Variants in COL21A1 observed in about 807,000 individuals in gnomAD.
The protein encoded by COL21A1 is collagen alpha-1(XXI) chain.
Under a neutral mutation model 137.9 loss-of-function variants are expected in COL21A1, and 149 were observed. The observed-to-expected ratio is 1.08, with a 90% CI of 0.95 to 1.24. The LOEUF is 1.24. Ranked by LOEUF, COL21A1 falls within the 50% of genes most tolerant of loss-of-function variation. COL21A1 has a pLI of 0.00. For missense variants in COL21A1, 1,167 were observed against 1,158.4 expected (o/e 1.01, Z -0.11); for synonymous variants, 456 against 391.5 (o/e 1.16, Z -1.95).
At chr6:56,335,182 T>G (rs1450743300) in intron 1 of COL21A1, among the ~76,000 whole-genome samples, 1 of 152,150 alleles carries the variant, frequency 6.6e-6, no homozygotes, top group Non-Finnish European at 1.5e-5. Flanking sequence ...GTTGGACCAC[T>G]GGTTGGTGCA....
chr6:56,185,636 C>T (rs1431921719), intron 1 of COL21A1, among the ~76,000 whole-genome samples: 1 of 151,218 alleles, frequency 6.6e-6, no homozygotes, highest in African/African-American at 2.4e-5. Flanking sequence ...GGGGTTTCAC[C>T]TTGTTAGCCA....
intron 1 of COL21A1, among the ~76,000 whole-genome samples, chr6:56,286,636 T>G (rs1033626434): frequency 2.6e-5 from 4 of 152,248 alleles, no homozygotes; most frequent in Non-Finnish European, 4.4e-5. Flanking sequence ...TACACGGTTT[T>G]GTGAATTGGT....
chr6:56,136,590 G>T (rs1313771919), intron 12 of COL21A1, among the ~76,000 whole-genome samples: 1 of 152,098 alleles, frequency 6.6e-6, no homozygotes, highest in Non-Finnish European at 1.5e-5. Flanking sequence ...CATCTTTTAA[G>T]CCGATCTAGA....
chr6:56,277,545 A>G (rs1479894361), intron 1 of COL21A1, among the ~76,000 whole-genome samples: 1 of 152,264 alleles, frequency 6.6e-6, no homozygotes, highest in African/African-American at 2.4e-5. Context: ...ATGTATGCAT[A>G]ATAACTACCA....
chr6:56,202,718 T>C (rs1779492851), intron 1 of COL21A1, among the ~76,000 whole-genome samples: 2 of 152,196 alleles, frequency 1.3e-5, no homozygotes, highest in Admixed American at 1.3e-4. Context: ...TTGTACACTA[T>C]ATTACATAAT....
chr6:56,207,804 A>T (rs1779890028), intron 1 of COL21A1, among the ~76,000 whole-genome samples: 1 of 152,204 alleles, frequency 6.6e-6, no homozygotes, highest in Non-Finnish European at 1.5e-5. Context: ...TGGCAAACTG[A>T]ATCCAGCAGC....
rs549137828 is a variant in COL21A1, at chr6:56,371,103, C to T, written c.-39+22868G>A. Among the ~76,000 whole-genome samples, 14 of 152,328 alleles carry T rather than the reference C, an allele frequency of 9.2e-5. No individual in the cohort carries two copies. In the South Asian group the frequency reaches 2.9e-3, roughly 32 times the overall value. ...TTACTCATGTCTGCTGAAAACCCTC[C>T]AGGTTCAAAGGGAAATTCAGCCAAT... On this transcript the variant is annotated intron_variant, in intron 1 of 28. Transcript: ENST00000370819.
At chr6:56,247,832 G>C (rs1397592290), upstream of COL21A1, 1 of 152,936 alleles carries the variant, frequency 6.5e-6, no homozygotes, top group Non-Finnish European at 1.5e-5. Context: ...CAGGAAAGCA[G>C]GAAAGGCAAC....
chr6:56,250,570 A>C (rs1449948153), upstream of COL21A1, among the ~76,000 whole-genome samples: 1 of 152,158 alleles, frequency 6.6e-6, no homozygotes, highest in Non-Finnish European at 1.5e-5. Context: ...CTAGAAGATG[A>C]CCCTGAGCCT....
chr6:56,135,061 A>G (rs1205291911), intron 12 of COL21A1, among the ~76,000 whole-genome samples: 1 of 152,156 alleles, frequency 6.6e-6, no homozygotes, highest in African/African-American at 2.4e-5. Flanking sequence ...TAAAATCATC[A>G]GTAATTATAA....
intron 16 of COL21A1, among the ~76,000 whole-genome samples, chr6:56,111,295 T>G (rs1771412112): frequency 6.6e-6 from 1 of 152,050 alleles, no homozygotes. Context: ...TCATAAGCTA[T>G]CACAGATCAG....
intron 12 of COL21A1, among the ~76,000 whole-genome samples, chr6:56,131,783 C>T (rs1202911349): frequency 6.6e-6 from 1 of 151,992 alleles, no homozygotes; most frequent in Admixed American, 6.6e-5. Flanking sequence ...CACACGTATA[C>T]ATATACTATA....
At chr6:56,339,408 C>A (rs546933825) in intron 1 of COL21A1, among the ~76,000 whole-genome samples, 45 of 152,262 alleles carry the variant, frequency 3.0e-4, no homozygotes, top group African/African-American at 1.0e-3. Flanking sequence ...TGCTAGTGGT[C>A]TTTCAGAATT....
At chr6:56,267,225 G>A (rs983629199) in intron 1 of COL21A1, among the ~76,000 whole-genome samples, 4 of 152,200 alleles carry the variant, frequency 2.6e-5, no homozygotes, top group African/African-American at 9.6e-5. Context: ...ACTGTTCTAA[G>A]AGTGTACAGC....
At chr6:56,080,358 A>G (rs544659973) in intron 17 of COL21A1, among the ~76,000 whole-genome samples, 1 of 151,852 alleles carries the variant, frequency 6.6e-6, no homozygotes, top group Admixed American at 6.6e-5. Flanking sequence ...AAAATCCTGC[A>G]TAATGTTGTG....
intron 9 of COL21A1, among the ~76,000 whole-genome samples, chr6:56,163,506 C>T (rs1039836934): frequency 6.6e-6 from 1 of 151,994 alleles, no homozygotes; most frequent in Non-Finnish European, 1.5e-5. Context: ...GTCAAGAGAT[C>T]GAGACGATCC....
intron 1 of COL21A1, among the ~76,000 whole-genome samples, chr6:56,257,975 G>A (rs1265230375): frequency 6.6e-6 from 1 of 151,690 alleles, no homozygotes; most frequent in Non-Finnish European, 1.5e-5. Context: ...AGGTATTTCT[G>A]GATTGAGATT....
At chr6:56,148,288 T>C (rs1774997592) in intron 10 of COL21A1, among the ~76,000 whole-genome samples, 1 of 150,968 alleles carries the variant, frequency 6.6e-6, no homozygotes, top group African/African-American at 2.4e-5. Flanking sequence ...GGTAGGATAG[T>C]TCATTTGTAG....
rs561184963 is a variant in COL21A1, at chr6:56,312,711, G to C, written c.-39+81260C>G. On this transcript the variant is annotated intron_variant, in intron 1 of 28. Transcript: ENST00000370819. ...TTTGGGAGGCCGAAAAATATGAATG[G>C]TAGTGAAAAAGAAAACATTATAAGA... Among the ~76,000 whole-genome samples the C allele has an allele frequency of 6.1e-5, 3 of 48,782 alleles. No homozygotes were observed. In the South Asian group the frequency reaches 8.2e-3, roughly 134 times the overall value. The allele number at this position is 48,782 out of a possible 152,430, so 32.0% of individuals were successfully genotyped here.
Sources: gnomAD v4.1 joint callset for allele counts (sites outside exome capture counted in the v4.1 genomes callset) on GRCh38, gnomAD v4.1.1 for gene constraint, MANE v1.5 for transcripts, NCBI Gene and HGNC (gene_info 2026-07-23, HGNC 2026-07-21) for gene names.